Variants in GSTCD observed in about 807,000 individuals in gnomAD.
GSTCD encodes the protein glutathione S-transferase C-terminal domain containing.
Under a neutral mutation model 68.3 loss-of-function variants are expected in GSTCD, and 44 were observed. The observed-to-expected ratio is 0.64, with a 90% CI of 0.51 to 0.83. The LOEUF (loss-of-function observed/expected upper bound fraction) is 0.83. Ranked by LOEUF, GSTCD falls within the 40% of genes least tolerant of loss-of-function variation. The probability of loss-of-function intolerance (pLI) is 0.00; values close to 1 mark genes in which losing one functional copy is unlikely to be tolerated. For synonymous variants in GSTCD, 273 were observed against 255.2 expected (o/e 1.07, Z -0.67); for missense variants, 739 against 735.9 (o/e 1.00, Z -0.05).
At chr4:105,737,142 T>G (rs1733489786) in intron 5 of GSTCD, among the ~76,000 whole-genome samples, 1 of 152,210 alleles carries the variant, frequency 6.6e-6, no homozygotes, top group Admixed American at 6.5e-5. Context: ...GTAGTTCTAA[T>G]TTCATTTTTG....
chr4:105,761,377 T>C (rs985759045), intron 5 of GSTCD: 2 of 152,748 alleles, frequency 1.3e-5, no homozygotes, highest in African/African-American at 2.4e-5. Context: ...TTACAGTCTA[T>C]TAGTTATCTG....
At chr4:105,777,178 C>T (rs1735101527) in intron 5 of GSTCD, among the ~76,000 whole-genome samples, 1 of 152,160 alleles carries the variant, frequency 6.6e-6, no homozygotes, top group African/African-American at 2.4e-5. Context: ...ATTTTTATGT[C>T]TGGTACATTC....
chr4:105,730,089 T>G (rs1291776308), intron 5 of GSTCD, among the ~76,000 whole-genome samples: 1 of 152,240 alleles, frequency 6.6e-6, no homozygotes, highest in African/African-American at 2.4e-5. Flanking sequence ...TTTTTATGGC[T>G]GCATAGTATT....
intron 5 of GSTCD, among the ~76,000 whole-genome samples, chr4:105,822,529 G>T (rs934493921): frequency 6.6e-5 from 10 of 151,956 alleles, no homozygotes; most frequent in African/African-American, 2.4e-4. Flanking sequence ...TTGAAATTAG[G>T]TACTCTTTAC....
In GSTCD at chr4:105,842,257, T is replaced by A; in HGVS notation, c.1765+123T>A. On this transcript the variant is annotated intron_variant, in intron 11 of 11. Transcript: ENST00000515279. ...GTCTATTTTTCAATGAGAAACTAAA[T>A]ATGTTCTTCCCAAAAAAACTTAATT... The A allele has an allele frequency of 5.8e-6, 4 of 691,036 alleles. No individual in the cohort carries two copies. In the South Asian group the frequency reaches 7.7e-5, roughly 13 times the overall value. 42.8% of individuals were successfully genotyped at this position (691,036 alleles called of 1,614,324 possible). A position where few individuals can be genotyped will look rare whatever the true frequency, so the allele number is the denominator to read the frequency against.
intron 5 of GSTCD, among the ~76,000 whole-genome samples, chr4:105,742,568 C>T (rs916540340): frequency 2.0e-5 from 3 of 152,060 alleles, no homozygotes; most frequent in Non-Finnish European, 2.9e-5. Context: ...TTGGTACAGT[C>T]GGTGCATTAA....
At chr4:105,800,891 A>T (rs1208444707) in intron 5 of GSTCD, among the ~76,000 whole-genome samples, 1 of 152,106 alleles carries the variant, frequency 6.6e-6, no homozygotes, top group Non-Finnish European at 1.5e-5. Flanking sequence ...CATCTTATTT[A>T]ATATATATAG....
chr4:105,835,683 T>C (rs1724084133), intron 9 of GSTCD, among the ~76,000 whole-genome samples: 1 of 152,036 alleles, frequency 6.6e-6, no homozygotes, highest in African/African-American at 2.4e-5. Context: ...GTGGGTGTAT[T>C]TGGGGGCAGG....
chr4:105,755,426 A>T (rs924250370), intron 5 of GSTCD, among the ~76,000 whole-genome samples: 1 of 152,156 alleles, frequency 6.6e-6, no homozygotes, highest in Non-Finnish European at 1.5e-5. Context: ...CCCCTTTACT[A>T]TCTGATCTCC....
chr4:105,740,880 A>G (rs945648510), intron 5 of GSTCD, among the ~76,000 whole-genome samples: 6 of 152,010 alleles, frequency 3.9e-5, no homozygotes, highest in Admixed American at 1.3e-4. Flanking sequence ...AGACTATTAC[A>G]CAAATTTTCA....
At chr4:105,841,945 C>T (rs1724359917) in intron 10 of GSTCD, 120 bp from the exon 11 acceptor site, 3 of 714,502 alleles carry the variant, frequency 4.2e-6, no homozygotes, top group African/African-American at 3.5e-5. Flanking sequence ...TTGTGCAGTA[C>T]TTTATTCAGT....
In GSTCD at chr4:105,797,860, C is replaced by T. The variant is rs760607555; in HGVS notation, c.1241-25094C>T. ...TGCGATCTTGGCTCACTGCAACCTC[C>T]GCCTGCTGGGCTCAAGCGATTCTCC... On this transcript the variant is annotated intron_variant, in intron 5 of 11. Transcript: ENST00000515279. Among the ~76,000 whole-genome samples, 7 of 148,972 alleles carry T rather than the reference C, an allele frequency of 4.7e-5. No individual in the cohort carries two copies. In the South Asian group the frequency reaches 8.4e-4, roughly 18 times the overall value.
At chr4:105,753,167 A>G (rs1560811589) in intron 5 of GSTCD, 1 of 152,112 alleles carries the variant, frequency 6.6e-6, no homozygotes, top group Admixed American at 6.5e-5. Flanking sequence ...AGGCAGCTTT[A>G]CATGAAAATT....
At chr4:105,752,224 T>C (rs1208453605) in intron 5 of GSTCD, among the ~76,000 whole-genome samples, 1 of 152,184 alleles carries the variant, frequency 6.6e-6, no homozygotes, top group Non-Finnish European at 1.5e-5. Context: ...AAAACTGTAC[T>C]AACTGTAGCA....
At chr4:105,797,627 C>T (rs996100212) in intron 5 of GSTCD, among the ~76,000 whole-genome samples, 1 of 151,978 alleles carries the variant, frequency 6.6e-6, no homozygotes, top group South Asian at 2.1e-4. Flanking sequence ...GGTGGTTGCT[C>T]AAGGTTGAGG....
chr4:105,725,425 G>A (rs924498862), intron 3 of GSTCD, among the ~76,000 whole-genome samples: 3 of 152,150 alleles, frequency 2.0e-5, no homozygotes, highest in African/African-American at 7.2e-5. Flanking sequence ...GTCTTTCAAA[G>A]TGGCTGTACT....
In GSTCD at chr4:105,722,966, A is replaced by G. The variant is rs1256222390; in HGVS notation, c.894+3439A>G. The stretch of plus-strand genomic sequence containing the variant: ...GTTCAGTACCTTCTGAGCTATCTGG[A>G]TATTAGTAGAGTGGCCTGGCATGTT... On this transcript the variant is annotated intron_variant, in intron 3 of 11. Coordinates refer to ENST00000515279, the MANE Select transcript of GSTCD (RefSeq NM_001370181.1). Among the ~76,000 whole-genome samples the G allele has an allele frequency of 2.6e-5, 4 of 151,926 alleles. No individual in the cohort carries two copies. The East Asian group carries it at 5.8e-4, about 22-fold the overall frequency.
At chr4:105,727,474 G>A (rs1467309745) in intron 4 of GSTCD, among the ~76,000 whole-genome samples, 1 of 150,700 alleles carries the variant, frequency 6.6e-6, no homozygotes, top group South Asian at 2.1e-4. Context: ...TCAGTGGGCC[G>A]AGATTGTACC....
chr4:105,728,740 G>A (rs1328124589), intron 4 of GSTCD, among the ~76,000 whole-genome samples: 1 of 151,700 alleles, frequency 6.6e-6, no homozygotes, highest in Non-Finnish European at 1.5e-5. Context: ...AATGTGATTG[G>A]AAGGGGTCTG....
Sources: allele counts gnomAD v4.1 joint callset (sites outside exome capture counted in the v4.1 genomes callset), GRCh38; gene constraint gnomAD v4.1.1; transcripts MANE v1.5; gene names NCBI Gene and HGNC (gene_info 2026-07-23, HGNC 2026-07-21).